ATP6V1E2: variants seen among roughly 807,000 people sequenced by gnomAD.
ATP6V1E2 encodes ATPase H+ transporting V1 subunit E2.
For missense variants in ATP6V1E2, 308 were observed against 273.3 expected (o/e 1.13, Z -0.90); for synonymous variants, 121 against 104.2 (o/e 1.16, Z -0.98).
At chr2:46,529,817 A>G (rs77506259) in intron 4 of ATP6V1E2, among the ~76,000 whole-genome samples, 140 of 152,172 alleles carry the variant, frequency 9.2e-4, no homozygotes, top group African/African-American at 3.0e-3. Flanking sequence ...TGGATGAATG[A>G]TTTGGGTGGT....
intron 3 of ATP6V1E2, among the ~76,000 whole-genome samples, chr2:46,536,184 C>T (rs149509231): frequency 1.8e-3 from 278 of 152,234 alleles, no homozygotes; most frequent in African/African-American, 5.5e-3. Flanking sequence ...GCGCTTGAGC[C>T]GAAGTTCTCA....
intron 4 of ATP6V1E2, among the ~76,000 whole-genome samples, chr2:46,522,006 AT>A (rs1558660401): frequency 6.6e-6 from 1 of 152,098 alleles, no homozygotes; most frequent in Non-Finnish European, 1.5e-5. Flanking sequence ...TTCAAAAAGT[AT>A]TTTTTGGCTG....
At chr2:46,531,333 T>C (rs1667171510) in intron 4 of ATP6V1E2, among the ~76,000 whole-genome samples, 1 of 152,218 alleles carries the variant, frequency 6.6e-6, no homozygotes, top group South Asian at 2.1e-4. Context: ...TTTTTGAGAT[T>C]CATCCACATT....
chr2:46,528,081 A>G (rs1478734362), intron 4 of ATP6V1E2: 4 of 152,226 alleles, frequency 2.6e-5, no homozygotes, highest in Non-Finnish European at 5.9e-5. Context: ...AATAGAATCA[A>G]AAATCCAGAA....
At chr2:46,518,490 A>ACACAACACACACACACACAC (rs1471974728) in intron 4 of ATP6V1E2, among the ~76,000 whole-genome samples, 3 of 140,912 alleles carry the variant, frequency 2.1e-5, no homozygotes, top group Non-Finnish European at 3.1e-5. Flanking sequence ...ACACACACAC[A>ACACAACACACACACACACAC]ACACACACAC....
Position 46,512,485 on chromosome 2 carries a change from C to G in ATP6V1E2, c.227G>C (p.Arg76Thr). The stretch of plus-strand genomic sequence containing the variant: ...CAGGACTTTCAGCCTCGCCTGATTC[C>G]TCATGGTGGACATCAGGATTTTCTT... ...QQKKILMSTM[R>T]NQARLKVLRA... The change falls in exon 5 of 5, where the codon AGG becomes ACG. Residue 76 changes from arginine (R) to threonine (T), a missense_variant. Arg to Thr is a moderately conservative substitution (Grantham distance 71). Coordinates refer to ENST00000522587, the MANE Select transcript of ATP6V1E2 (RefSeq NM_001318063.2). The G allele has an allele frequency of 6.2e-7, 1 of 1,614,186 alleles. No individual in the cohort carries two copies.
chr2:46,512,134 G>C lies in ATP6V1E2; in HGVS notation c.578C>G (p.Ser193Ter). Residue 193 changes from serine (S) to a stop codon, truncating the protein, a stop_gained, in exon 5 of 5, where the codon TCA (serine) becomes TGA (stop). Transcript: ENST00000522587. LOFTEE classifies it high-confidence loss of function. ...VYSGNQRIKVSNTLESRLDLS... is the reference protein window; with the variant it reads ...VYSGNQRIKV ...ATCCAGTCGGCTTTCCAAGGTATTT[G>C]AAACCTTTATTCTCTGATTGCCACT... 6.2e-7 allele frequency: 1 copy of C among 1,614,154 alleles called. No homozygotes were observed. The highest frequency in any genetic ancestry group is 8.5e-7 in the Non-Finnish European group (1 of 1,180,030).
At chr2:46,532,261 G>A (rs1019161643) in intron 4 of ATP6V1E2, among the ~76,000 whole-genome samples, 4 of 151,286 alleles carry the variant, frequency 2.6e-5, no homozygotes, top group African/African-American at 7.3e-5. Context: ...ACCATTTATT[G>A]AAGAGACTAC....
At chr2:46,541,251 T>A (rs1667751172) in intron 2 of ATP6V1E2, 139 bp downstream of exon 2, 1 of 152,236 alleles carries the variant, frequency 6.6e-6, no homozygotes, top group African/African-American at 2.4e-5. Context: ...TTCCTCAACC[T>A]GTTATTCAGT....
rs1348324731 is a variant in ATP6V1E2 at position 46,521,167 on chromosome 2, C to A, written c.-101-8355G>T. 3.3e-5 allele frequency among the ~76,000 whole-genome samples: 5 copies of A among 152,218 alleles called. No homozygotes were observed. In the East Asian group the frequency reaches 9.6e-4, roughly 29 times the overall value. On this transcript the variant is annotated intron_variant, in intron 4 of 4. Coordinates refer to ENST00000522587, the MANE Select transcript of ATP6V1E2 (RefSeq NM_001318063.2). The stretch of plus-strand genomic sequence containing the variant: ...GCTCAAGCAATCCTCCCACCTTGGC[C>A]TCCCAAAGTGCTGGGATTATGGCCA...
At chr2:46,525,484 A>AAAAAAAAAAAAAAAAAAAG (rs1420336137) in intron 4 of ATP6V1E2, among the ~76,000 whole-genome samples, 1 of 148,836 alleles carries the variant, frequency 6.7e-6, no homozygotes, top group African/African-American at 2.5e-5. Context: ...AAAGAAAAAA[A>AAAAAAAAAAAAAAAAAAAG]AAAAAGAAAG....
chr2:46,533,483 A>G (rs983534026), intron 4 of ATP6V1E2, among the ~76,000 whole-genome samples: 4 of 152,136 alleles, frequency 2.6e-5, no homozygotes, highest in African/African-American at 9.7e-5. Context: ...CATGTTGCCT[A>G]GGCTGGTCTT....
Position 46,512,489 on chromosome 2 carries a change from T to A in ATP6V1E2, c.223A>T (p.Met75Leu). 2 of 1,614,230 alleles carry A rather than the reference T, an allele frequency of 1.2e-6. No individual in the cohort carries two copies. Among genetic ancestry groups the A allele is most frequent in the Non-Finnish European group, 1.7e-6 (2 of 1,180,046 alleles). The part of the protein sequence containing the change: ...EQQKKILMST[M>L]RNQARLKVLR... ...ACTTTCAGCCTCGCCTGATTCCTCA[T>A]GGTGGACATCAGGATTTTCTTCTGC... Residue 75 changes from methionine to leucine, a missense_variant, in exon 5 of 5, where the codon ATG becomes TTG. Met to Leu is a conservative substitution (Grantham distance 15, BLOSUM62 2). Transcript: ENST00000522587.
At chr2:46,537,105 A>G (rs1667482336) in intron 2 of ATP6V1E2, among the ~76,000 whole-genome samples, 1 of 152,126 alleles carries the variant, frequency 6.6e-6, no homozygotes, top group African/African-American at 2.4e-5. Context: ...CTTTATTTCC[A>G]GTGTAGCCAG....
intron 4 of ATP6V1E2, among the ~76,000 whole-genome samples, chr2:46,529,311 G>A (rs1234417543): frequency 6.6e-5 from 10 of 152,238 alleles, no homozygotes; most frequent in Admixed American, 6.5e-4. Flanking sequence ...GGAAGGTACT[G>A]GTTTGCAAGG....
intron 4 of ATP6V1E2, among the ~76,000 whole-genome samples, chr2:46,533,727 G>A (rs1004741363): frequency 3.3e-5 from 5 of 151,930 alleles, no homozygotes; most frequent in Non-Finnish European, 7.4e-5. Context: ...ACTTTATTTT[G>A]TATTTCTTGT....
intron 4 of ATP6V1E2, among the ~76,000 whole-genome samples, chr2:46,513,866 A>G (rs1687589413): frequency 1.3e-5 from 2 of 152,188 alleles, no homozygotes; most frequent in South Asian, 2.1e-4. Flanking sequence ...TCTTTATATA[A>G]GCCTAGACTT....
chr2:46,539,963 G>C (rs1667646563), intron 2 of ATP6V1E2, among the ~76,000 whole-genome samples: 1 of 152,190 alleles, frequency 6.6e-6, no homozygotes, highest in South Asian at 2.1e-4. Context: ...TCCTTGAATG[G>C]TTTAGCTAGA....
At chr2:46,524,466 T>C (rs913679175) in intron 4 of ATP6V1E2, among the ~76,000 whole-genome samples, 2 of 152,188 alleles carry the variant, frequency 1.3e-5, no homozygotes, top group Non-Finnish European at 2.9e-5. Flanking sequence ...TTTATCCAAA[T>C]AGACAAAAAT....
Sources: gnomAD v4.1 joint callset for allele counts (sites outside exome capture counted in the v4.1 genomes callset) on GRCh38, gnomAD v4.1.1 for gene constraint, MANE v1.5 for transcripts, NCBI Gene and HGNC (gene_info 2026-07-23, HGNC 2026-07-21) for gene names.